The following PCP4L1 variants were observed in gnomAD, a reference collection of about 807,000 sequenced individuals.
PCP4L1 encodes Purkinje cell protein 4 like 1.
In PCP4L1, 9 loss-of-function variants were observed where a neutral mutation model predicts 9.6. The ratio of observed to expected loss-of-function variants is 0.94; its 90% CI spans 0.57 to 1.64. The LOEUF is 1.64. Ranked by LOEUF, PCP4L1 falls within the 40% of genes most tolerant of loss-of-function variation. The pLI is 0.00. For missense variants in PCP4L1, 81 were observed against 80.8 expected (o/e 1.00, Z -0.01); for synonymous variants, 31 against 28.2 (o/e 1.10, Z -0.31).
At chr1:161,281,872 C>T (rs1199639121) in intron 1 of PCP4L1, among the ~76,000 whole-genome samples, 56 of 149,202 alleles carry the variant, frequency 3.8e-4, no homozygotes, top group Admixed American at 4.0e-4. Flanking sequence ...GATGGGTGGC[C>T]GGGCAGAGAC....
In PCP4L1 at chr1:161,258,761, A is replaced by G. The variant is rs1669362565; in HGVS notation, c.-214A>G. On this transcript the variant is annotated 5_prime_UTR_variant, in exon 1 of 3. Coordinates refer to ENST00000504449, the MANE Select transcript of PCP4L1 (RefSeq NM_001102566.2). The stretch of plus-strand genomic sequence containing the variant: ...CGGCGAGCTGAGCGGCTCTGACAGG[A>G]CGGGTCGCAGGGGGTCGCCTGGCCG... The G allele has an allele frequency of 4.2e-6, 3 of 707,114 alleles. 1 individual carries two copies. The highest frequency in any genetic ancestry group is 3.5e-5 in the South Asian group (2 of 57,164). The allele number at this position is 707,114 out of a possible 1,614,324, so 43.8% of individuals were successfully genotyped here. A position where few individuals can be genotyped will look rare whatever the true frequency, so the allele number is the denominator to read the frequency against.
intron 1 of PCP4L1, among the ~76,000 whole-genome samples, chr1:161,282,376 GGAAAGAGA>G (rs1558147253): frequency 5.7e-5 from 8 of 140,076 alleles, no homozygotes; most frequent in South Asian, 2.5e-4. Context: ...GGGAGAGCGT[GGAAAGAGA>G]GGGAGAGGGA....
At chr1:161,281,900 C>T (rs1424710897) in intron 1 of PCP4L1, among the ~76,000 whole-genome samples, 3 of 149,938 alleles carry the variant, frequency 2.0e-5, no homozygotes, top group Admixed American at 6.6e-5. Context: ...ACTTCCTAGA[C>T]GGGATGGCGG....
At chr1:161,266,336 T>C (rs1053285945) in intron 1 of PCP4L1, among the ~76,000 whole-genome samples, 1 of 152,200 alleles carries the variant, frequency 6.6e-6, no homozygotes, top group Non-Finnish European at 1.5e-5. Flanking sequence ...GGGATGCACA[T>C]TGAAGATTAT....
chr1:161,282,722 T>C (rs1669843992), intron 1 of PCP4L1, among the ~76,000 whole-genome samples: 1 of 152,196 alleles, frequency 6.6e-6, no homozygotes, highest in Non-Finnish European at 1.5e-5. Context: ...CTCCCTGTTT[T>C]CTACATCTCA....
chr1:161,266,509 T>C (rs1456921535), intron 1 of PCP4L1, among the ~76,000 whole-genome samples: 2 of 152,196 alleles, frequency 1.3e-5, no homozygotes, highest in Admixed American at 6.5e-5. Flanking sequence ...GTTGACTCAC[T>C]GCATACCATG....
At chr1:161,267,874 G>A (rs967825285) in intron 1 of PCP4L1, among the ~76,000 whole-genome samples, 5 of 151,908 alleles carry the variant, frequency 3.3e-5, no homozygotes, top group Non-Finnish European at 5.9e-5. Flanking sequence ...CACCATGCCC[G>A]GCTAATTTTT....
chr1:161,262,351 A>G (rs983331562), intron 1 of PCP4L1, among the ~76,000 whole-genome samples: 12 of 147,504 alleles, frequency 8.1e-5, no homozygotes, highest in Admixed American at 2.1e-4. Context: ...GGAGAATGGC[A>G]TGAACCCGGG....
At position 161,284,370 on chromosome 1, in the gene PCP4L1, G is replaced by A. The variant is rs973266448; in HGVS notation, c.96G>A (p.Glu32=). The A allele has an allele frequency of 6.2e-7, 1 of 1,614,000 alleles. No individual in the cohort carries two copies. Among genetic ancestry groups the A allele is most frequent in the South Asian group, 1.1e-5 (1 of 91,092 alleles). The change falls in exon 3 of 3, where the codon GAG becomes GAA. Residue 32 remains glutamate, a synonymous_variant. Transcript: ENST00000504449. ...CTGGCAATGTCAAGAAGGCGGAGGA[G>A]GAGGAGGAGATTGACATTGATCTGA... ...GKAGNVKKAE[E]EEEIDIDLTA...
intron 1 of PCP4L1, among the ~76,000 whole-genome samples, chr1:161,278,029 G>T (rs1171128789): frequency 3.3e-5 from 5 of 152,042 alleles, no homozygotes; most frequent in African/African-American, 1.2e-4. Flanking sequence ...ATTTCCTCTT[G>T]CCTATTCAAG....
At chr1:161,274,112 C>T (rs982911421) in intron 1 of PCP4L1, among the ~76,000 whole-genome samples, 4 of 152,102 alleles carry the variant, frequency 2.6e-5, no homozygotes, top group African/African-American at 4.8e-5. Context: ...AATCATTCAA[C>T]GTGTTAGTGT....
chr1:161,283,389 T>G (rs1431000164), intron 1 of PCP4L1, among the ~76,000 whole-genome samples: 1 of 152,214 alleles, frequency 6.6e-6, no homozygotes, highest in Non-Finnish European at 1.5e-5. Flanking sequence ...TCATTTTATG[T>G]GCTTTATTTG....
At chr1:161,268,040 T>G (rs942142163) in intron 1 of PCP4L1, among the ~76,000 whole-genome samples, 1 of 152,192 alleles carries the variant, frequency 6.6e-6, no homozygotes, top group Non-Finnish European at 1.5e-5. Context: ...AGGCAAGGAA[T>G]AGACTTACAC....
chr1:161,282,717 T>C (rs768831634), intron 1 of PCP4L1, among the ~76,000 whole-genome samples: 20 of 152,212 alleles, frequency 1.3e-4, no homozygotes, highest in Admixed American at 5.2e-4. Context: ...CTCCTCTCCC[T>C]GTTTTCTACA....
intron 1 of PCP4L1, among the ~76,000 whole-genome samples, chr1:161,271,932 C>T (rs1255881118): frequency 1.3e-5 from 2 of 150,858 alleles, no homozygotes; most frequent in South Asian, 2.1e-4. Flanking sequence ...CTCAGCCTCC[C>T]GAGTAGCTGG....
intron 1 of PCP4L1, among the ~76,000 whole-genome samples, chr1:161,270,701 A>G (rs1307657900): frequency 1.3e-5 from 2 of 151,870 alleles, no homozygotes; most frequent in Non-Finnish European, 2.9e-5. Context: ...GTGAAACGCC[A>G]TCTCTACTAA....
intron 1 of PCP4L1, among the ~76,000 whole-genome samples, chr1:161,275,867 C>T (rs528786500): frequency 1.4e-4 from 21 of 149,462 alleles, no homozygotes; most frequent in African/African-American, 5.2e-4. Context: ...GTGATCTCAG[C>T]TCATTGCAAC....
intron 1 of PCP4L1, among the ~76,000 whole-genome samples, chr1:161,276,412 G>T (rs1343695432): frequency 6.6e-6 from 1 of 152,138 alleles, no homozygotes; most frequent in Non-Finnish European, 1.5e-5. Context: ...GCCTGGCGTG[G>T]TGGCTTGTGC....
In PCP4L1 at chr1:161,268,551, C is replaced by CTTTTTTT. The variant is rs10654377; in HGVS notation, c.9+9581_9+9587dup. 3.2e-4 allele frequency among the ~76,000 whole-genome samples: 37 copies of CTTTTTTT among 114,048 alleles called. 1 individual carries two copies. Among genetic ancestry groups the CTTTTTTT allele is most frequent in the African/African-American group, 5.8e-4 (17 of 29,172 alleles). 74.8% of individuals were successfully genotyped at this position (114,048 alleles called of 152,430 possible). A position where few individuals can be genotyped will look rare whatever the true frequency, so the allele number is the denominator to read the frequency against. On this transcript the variant is annotated intron_variant, in intron 1 of 2. Transcript: ENST00000504449. ...TACATTTTTCTCTGGTTCCTTTTAC[C>CTTTTTTT]TTTTTTTTTTTTTTTTTTTGAGATG...
Sources: allele counts gnomAD v4.1 joint callset (sites outside exome capture counted in the v4.1 genomes callset), GRCh38; gene constraint gnomAD v4.1.1; transcripts MANE v1.5; gene names NCBI Gene and HGNC (gene_info 2026-07-23, HGNC 2026-07-21).